Variants in LRP12 observed in about 807,000 individuals in gnomAD.
LRP12 encodes the protein LDL receptor related protein 12, also known as low-density lipoprotein receptor-related protein 12.
A neutral mutation model predicts 66.0 loss-of-function variants in LRP12; 14 were observed. That is an observed-to-expected ratio of 0.21 (90% CI 0.14 to 0.33). The LOEUF (loss-of-function observed/expected upper bound fraction) is 0.33, where lower values mean the gene tolerates loss of function less well. LRP12 is among the 10% of genes least tolerant of loss of function. The pLI is 1.00. For synonymous variants in LRP12, 357 were observed against 359.1 expected (o/e 0.99, Z 0.07); for missense variants, 889 against 1,053.4 (o/e 0.84, Z 2.16).
chr8:104,544,077 C>A (rs2140872680), intron 1 of LRP12, among the ~76,000 whole-genome samples: 1 of 152,200 alleles, frequency 6.6e-6, no homozygotes, highest in South Asian at 2.1e-4. Context: ...CCAGTGAAAA[C>A]ACAAATGATA....
At chr8:104,567,741 T>C (rs1564147082) in intron 1 of LRP12, among the ~76,000 whole-genome samples, 4 of 152,090 alleles carry the variant, frequency 2.6e-5, no homozygotes, top group Non-Finnish European at 5.9e-5. Context: ...AATAAAATAG[T>C]TTAACAACAA....
At chr8:104,546,883 CTTCTTA>C in intron 1 of LRP12, among the ~76,000 whole-genome samples, 1 of 40,426 alleles carries the variant, frequency 2.5e-5, no homozygotes, top group Non-Finnish European at 4.6e-5. Flanking sequence ...TATAATTATT[CTTCTTA>C]TAATTATTAT....
At chr8:104,548,389 A>C (rs1252396169) in intron 1 of LRP12, among the ~76,000 whole-genome samples, 1 of 84,200 alleles carries the variant, frequency 1.2e-5, no homozygotes, top group African/African-American at 6.6e-5. Flanking sequence ...TAAATATATA[A>C]TATATATTAT....
intron 1 of LRP12, among the ~76,000 whole-genome samples, chr8:104,536,445 G>C (rs1811393642): frequency 6.6e-6 from 1 of 151,766 alleles, no homozygotes. Context: ...TGGGGTGGGG[G>C]GAGTATTCTG....
intron 1 of LRP12, chr8:104,566,440 A>G: frequency 4.4e-6 from 1 of 227,488 alleles, no homozygotes; most frequent in South Asian, 8.1e-5. Context: ...CAATTACTAA[A>G]TGCCTTTGGT....
intron 1 of LRP12, among the ~76,000 whole-genome samples, chr8:104,572,699 A>T (rs2140895176): frequency 6.6e-6 from 1 of 152,180 alleles, no homozygotes; most frequent in East Asian, 1.9e-4. Flanking sequence ...CAAATATGGA[A>T]ATACAGGTAA....
At chr8:104,577,009 A>G (rs1255664972) in intron 1 of LRP12, among the ~76,000 whole-genome samples, 5 of 152,224 alleles carry the variant, frequency 3.3e-5, no homozygotes, top group African/African-American at 1.2e-4. Flanking sequence ...AACATTACAT[A>G]ATGGTAATGG....
rs977871364 is a variant in LRP12, at chr8:104,588,849, A to T, written c.49T>A (p.Leu17Met). 2 of 1,612,460 alleles carry T rather than the reference A, an allele frequency of 1.2e-6. No homozygotes were observed. The highest frequency in any genetic ancestry group is 1.7e-6 in the Non-Finnish European group (2 of 1,179,400). ...TKESPRWRSA[L>M]LLLFLAGVYG... ...ACCCCAGCGAGGAAAAGCAAGAGCAACGCAGACCTCCACCGCGGAGACTCT... is the reference window on the plus strand; with the variant it reads ...ACCCCAGCGAGGAAAAGCAAGAGCATCGCAGACCTCCACCGCGGAGACTCT... Residue 17 changes from leucine to methionine, a missense_variant, in exon 1 of 7, where the codon TTG becomes ATG. Transcript: ENST00000276654.
chr8:104,547,614 A>AT (rs1425588464), intron 1 of LRP12, among the ~76,000 whole-genome samples: 21 of 119,000 alleles, frequency 1.8e-4, no homozygotes, highest in African/African-American at 7.7e-4. Flanking sequence ...ATTAATATAT[A>AT]ATATATTAAT....
intron 2 of LRP12, among the ~76,000 whole-genome samples, chr8:104,520,220 A>G (rs997663229): frequency 2.0e-5 from 3 of 152,170 alleles, no homozygotes; most frequent in African/African-American, 7.2e-5. Flanking sequence ...AGATGAATAG[A>G]GAAGATTCAT....
Position 104,579,122 on chromosome 8 carries a change from G to A in LRP12, c.79+9697C>T, listed in dbSNP as rs140755758. On this transcript the variant is annotated intron_variant, in intron 1 of 6. Transcript: ENST00000276654. ...AAATAAATAAAGCGCATCTAAATAG[G>A]AAGAGAGGATGTCAAATTATCCCTG... Among the ~76,000 whole-genome samples the A allele has an allele frequency of 2.3e-3, 355 of 152,188 alleles. 2 individuals carry two copies. The highest frequency in any genetic ancestry group is 8.1e-3 in the African/African-American group (336 of 41,516).
intron 1 of LRP12, among the ~76,000 whole-genome samples, chr8:104,549,619 G>T (rs1588502035): frequency 6.6e-6 from 1 of 151,972 alleles, no homozygotes; most frequent in African/African-American, 2.4e-5. Flanking sequence ...AGCCAGGATG[G>T]TCTCGATCTC....
At chr8:104,525,764 A>C (rs1056098052) in intron 2 of LRP12, among the ~76,000 whole-genome samples, 1 of 152,164 alleles carries the variant, frequency 6.6e-6, no homozygotes, top group East Asian at 1.9e-4. Context: ...CCCTTTGAAA[A>C]CTGGCACAAG....
intron 1 of LRP12, among the ~76,000 whole-genome samples, chr8:104,551,295 T>C (rs565128758): frequency 3.5e-4 from 53 of 152,302 alleles, no homozygotes; most frequent in Non-Finnish European, 6.3e-4. Flanking sequence ...ACATAGTACA[T>C]TGTATTAGTA....
intron 1 of LRP12, among the ~76,000 whole-genome samples, chr8:104,548,183 A>AATATATC (rs1554709895): frequency 1.1e-3 from 103 of 95,558 alleles, no homozygotes; most frequent in Non-Finnish European, 1.2e-3. Context: ...TATAATATAT[A>AATATATC]ATATATATAT....
chr8:104,585,488 A>C (rs1273066255), intron 1 of LRP12, among the ~76,000 whole-genome samples: 1 of 152,132 alleles, frequency 6.6e-6, no homozygotes, highest in East Asian at 1.9e-4. Flanking sequence ...AGCCTCCCAA[A>C]GTGCTGGGAT....
intron 1 of LRP12, among the ~76,000 whole-genome samples, chr8:104,575,468 T>C (rs1179676871): frequency 6.6e-6 from 1 of 152,136 alleles, no homozygotes; most frequent in East Asian, 1.9e-4. Context: ...CGGGGCCCAA[T>C]ACAAGTCCCC....
Position 104,521,909 on chromosome 8 carries a change from C to A in LRP12, c.136+9998G>T, listed in dbSNP as rs147221378. Among the ~76,000 whole-genome samples, 504 of 151,894 alleles carry A rather than the reference C, an allele frequency of 3.3e-3. 3 individuals are homozygous for A. Among genetic ancestry groups the A allele is most frequent in the African/African-American group, 0.011 (463 of 41,506 alleles). On this transcript the variant is annotated intron_variant, in intron 2 of 6. Coordinates refer to ENST00000276654, the MANE Select transcript of LRP12 (RefSeq NM_013437.5). ...TAATTGTAAAATAATATTAAAATTA[C>A]ATAGGAAAGGTGCAAAGGACCATTT...
At chr8:104,547,553 CATATTAT>C (rs1204121951) in intron 1 of LRP12, among the ~76,000 whole-genome samples, 68 of 113,926 alleles carry the variant, frequency 6.0e-4, no homozygotes, top group Non-Finnish European at 9.8e-4. Flanking sequence ...TATATAATTA[CATATTAT>C]ATATTAATAA....
Sources: allele counts gnomAD v4.1 joint callset (sites outside exome capture counted in the v4.1 genomes callset), GRCh38; gene constraint gnomAD v4.1.1; transcripts MANE v1.5; gene names NCBI Gene and HGNC (gene_info 2026-07-23, HGNC 2026-07-21).